SV2C: variants seen among roughly 807,000 people sequenced by gnomAD.
SV2C encodes solute carrier family 22 member B3.
Under a neutral mutation model 79.7 loss-of-function variants are expected in SV2C, and 49 were observed. The ratio of observed to expected loss-of-function variants is 0.61; its 90% CI spans 0.49 to 0.78. SV2C has a LOEUF of 0.78. SV2C is among the 30% of genes least tolerant of loss of function. The probability of loss-of-function intolerance (pLI) is 0.00; values close to 1 mark genes in which losing one functional copy is unlikely to be tolerated. For missense variants in SV2C, 833 were observed against 912.9 expected (o/e 0.91, Z 1.13); for synonymous variants, 334 against 333.2 (o/e 1.00, Z -0.03).
intron 12 of SV2C, among the ~76,000 whole-genome samples, chr5:76,342,018 C>T (rs530796171): frequency 6.6e-6 from 1 of 152,310 alleles, no homozygotes; most frequent in African/African-American, 2.4e-5. Context: ...CCACATACCC[C>T]AAACCCTGCT....
At chr5:76,210,347 A>G (rs938611872) in intron 4 of SV2C, among the ~76,000 whole-genome samples, 1 of 152,178 alleles carries the variant, frequency 6.6e-6, no homozygotes, top group African/African-American at 2.4e-5. Context: ...CTGACCAGCT[A>G]TAAATGGGAG....
At chr5:76,321,469 G>T (rs542787349) in intron 12 of SV2C, among the ~76,000 whole-genome samples, 10 of 152,266 alleles carry the variant, frequency 6.6e-5, no homozygotes, top group Admixed American at 3.3e-4. Flanking sequence ...GCTGGGAATG[G>T]TGGCTCACAC....
the SV2C span, among the ~76,000 whole-genome samples, chr5:76,071,108 T>C: frequency 6.6e-6 from 1 of 152,210 alleles, no homozygotes; most frequent in Non-Finnish European, 1.5e-5. Flanking sequence ...CCTAGGTTTT[T>C]TGAGAGAGCA....
chr5:76,037,124 G>A, the SV2C span, among the ~76,000 whole-genome samples: 1 of 152,052 alleles, frequency 6.6e-6, no homozygotes, highest in Non-Finnish European at 1.5e-5. Context: ...CTCTGTATTG[G>A]TTATTCTAGT....
intron 1 of SV2C, among the ~76,000 whole-genome samples, chr5:76,127,161 GA>G (rs1748731469): frequency 6.6e-6 from 1 of 152,210 alleles, no homozygotes; most frequent in Admixed American, 6.5e-5. Flanking sequence ...TGGTGGTGAT[GA>G]GGAGTAAAGC....
the SV2C span, among the ~76,000 whole-genome samples, chr5:75,982,857 G>T: frequency 1.3e-5 from 2 of 152,132 alleles, no homozygotes; most frequent in Admixed American, 1.3e-4. Flanking sequence ...GCAAACTAAT[G>T]CAGGAACAGA....
chr5:76,167,706 A>G (rs900537608), intron 2 of SV2C, among the ~76,000 whole-genome samples: 4 of 152,342 alleles, frequency 2.6e-5, no homozygotes, highest in East Asian at 1.9e-4. Context: ...CATATGGCCA[A>G]TAAGTGTCAG....
intron 2 of SV2C, among the ~76,000 whole-genome samples, chr5:76,144,821 G>A (rs981184799): frequency 2.5e-5 from 3 of 120,494 alleles, no homozygotes; most frequent in African/African-American, 9.5e-5. Flanking sequence ...CAGATTGATA[G>A]GAGGTTTTTT....
Position 76,201,479 on chromosome 5 carries a change from A to G in SV2C, c.761+6380A>G, listed in dbSNP as rs144500852. The stretch of plus-strand genomic sequence containing the variant: ...AAATGAAATTTCAACGTGTCTGTAT[A>G]TCGTAAATGAAAGAATAGTAATTTC... On this transcript the variant is annotated intron_variant, in intron 3 of 12. Coordinates refer to ENST00000502798, the MANE Select transcript of SV2C (RefSeq NM_014979.4). Among the ~76,000 whole-genome samples, 370 of 152,360 alleles carry G rather than the reference A, an allele frequency of 2.4e-3. 2 individuals are homozygous for G. The highest frequency in any genetic ancestry group is 8.4e-3 in the African/African-American group (351 of 41,578).
chr5:76,018,987 A>G, the SV2C span, among the ~76,000 whole-genome samples: 1 of 152,210 alleles, frequency 6.6e-6, no homozygotes, highest in Non-Finnish European at 1.5e-5. Context: ...CCAATCTGCA[A>G]TAGGGATCCT....
At chr5:76,042,035 C>T in the SV2C span, among the ~76,000 whole-genome samples, 1 of 152,224 alleles carries the variant, frequency 6.6e-6, no homozygotes, top group Admixed American at 6.5e-5. Flanking sequence ...TCCATCCCAC[C>T]TGTGTAGCCT....
At chr5:76,049,841 T>C in the SV2C span, among the ~76,000 whole-genome samples, 2 of 152,252 alleles carry the variant, frequency 1.3e-5, no homozygotes, top group South Asian at 4.1e-4. Context: ...ATAAAACTTC[T>C]ATAGTTACAT....
intron 12 of SV2C, among the ~76,000 whole-genome samples, chr5:76,309,602 A>T (rs1748339986): frequency 7.5e-6 from 1 of 132,454 alleles, no homozygotes; most frequent in African/African-American, 3.0e-5. Context: ...TCCATCTCAA[A>T]AAAAAAAAAA....
chr5:76,347,150 G>T (rs1271477611), intron 12 of SV2C, among the ~76,000 whole-genome samples: 1 of 152,192 alleles, frequency 6.6e-6, no homozygotes, highest in Non-Finnish European at 1.5e-5. Flanking sequence ...TTGACGGCAC[G>T]CTCAGCATAT....
chr5:76,220,736 C>T (rs1046078665), intron 4 of SV2C, among the ~76,000 whole-genome samples: 1 of 152,006 alleles, frequency 6.6e-6, no homozygotes, highest in Admixed American at 6.6e-5. Context: ...AGAGGCAGTC[C>T]GGGGCTGGTG....
At chr5:75,910,621 T>C in the SV2C span, 1 of 824,648 alleles carries the variant, frequency 1.2e-6, no homozygotes, top group Non-Finnish European at 2.1e-6. Context: ...TTGTGGATTA[T>C]GATGGTGCCC....
intron 4 of SV2C, among the ~76,000 whole-genome samples, chr5:76,223,373 A>G (rs1745128402): frequency 6.8e-6 from 1 of 147,498 alleles, no homozygotes; most frequent in Admixed American, 6.8e-5. Flanking sequence ...GGTTACAATG[A>G]GTCATGGTCA....
At chr5:76,130,393 G>A (rs1359875151) in intron 1 of SV2C, among the ~76,000 whole-genome samples, 3 of 152,084 alleles carry the variant, frequency 2.0e-5, no homozygotes, top group Non-Finnish European at 2.9e-5. Context: ...TTTATTGCTG[G>A]GTTTGTTTGT....
chr5:76,227,557 CTA>C (rs1386332256), intron 4 of SV2C, among the ~76,000 whole-genome samples: 3 of 152,146 alleles, frequency 2.0e-5, no homozygotes, highest in Non-Finnish European at 4.4e-5. Flanking sequence ...CTTCAGAACT[CTA>C]GGCAATTTCT....
Sources: gnomAD v4.1 joint callset for allele counts (sites outside exome capture counted in the v4.1 genomes callset) on GRCh38, gnomAD v4.1.1 for gene constraint, MANE v1.5 for transcripts, NCBI Gene and HGNC (gene_info 2026-07-23, HGNC 2026-07-21) for gene names.